The following PHF21A variants were observed in gnomAD, a reference collection of about 807,000 sequenced individuals.
PHF21A encodes the protein PHD finger protein 21A, also known as BHC80a.
Under a neutral mutation model 82.5 loss-of-function variants are expected in PHF21A, and 11 were observed. The ratio of observed to expected loss-of-function variants is 0.13; its 90% CI spans 0.08 to 0.22. PHF21A has a LOEUF of 0.22. Among genes scored for constraint, PHF21A ranks in the 10% least tolerant of loss-of-function variants. The pLI, the probability that PHF21A is intolerant of heterozygous loss-of-function variation, is 1.00. For missense variants in PHF21A, 579 were observed against 837.8 expected (o/e 0.69, Z 3.81); for synonymous variants, 297 against 302.8 (o/e 0.98, Z 0.20).
chr11:45,985,636 C>T (rs1239168386), intron 6 of PHF21A, among the ~76,000 whole-genome samples: 2 of 152,190 alleles, frequency 1.3e-5, no homozygotes, highest in Non-Finnish European at 2.9e-5. Context: ...ATTGCACTTT[C>T]TTCATTTTGT....
At chr11:46,080,376 C>T in intron 4 of PHF21A, among the ~76,000 whole-genome samples, 1 of 151,810 alleles carries the variant, frequency 6.6e-6, no homozygotes. Flanking sequence ...CCAGGCTGGT[C>T]TTGAACTCCT....
chr11:45,990,222 T>TA (rs1385488326), intron 6 of PHF21A, among the ~76,000 whole-genome samples: 1 of 149,538 alleles, frequency 6.7e-6, no homozygotes, highest in Admixed American at 6.7e-5. Context: ...ATGGCCACAG[T>TA]AAAAATCATT....
intron 6 of PHF21A, among the ~76,000 whole-genome samples, chr11:46,057,421 A>T (rs931623378): frequency 6.6e-6 from 1 of 152,192 alleles, no homozygotes; most frequent in Non-Finnish European, 1.5e-5. Context: ...TACATATAAC[A>T]GATGCCCAGA....
At chr11:46,072,883 G>T (rs1346467674) in intron 6 of PHF21A, among the ~76,000 whole-genome samples, 1 of 152,162 alleles carries the variant, frequency 6.6e-6, no homozygotes, top group East Asian at 1.9e-4. Flanking sequence ...TGTTAAGATT[G>T]CCTCTACAAG....
chr11:46,066,923 T>C (rs1401279273), intron 6 of PHF21A, among the ~76,000 whole-genome samples: 1 of 152,214 alleles, frequency 6.6e-6, no homozygotes, highest in East Asian at 1.9e-4. Context: ...TTTTGCATTT[T>C]AAACTAATAC....
intron 6 of PHF21A, among the ~76,000 whole-genome samples, chr11:46,010,926 A>G (rs2095400188): frequency 6.6e-6 from 1 of 152,140 alleles, no homozygotes; most frequent in Non-Finnish European, 1.5e-5. Flanking sequence ...TCCTACTATA[A>G]TAAATAAGCA....
chr11:45,954,779 A>C (rs2092498961), intron 10 of PHF21A, among the ~76,000 whole-genome samples: 1 of 152,246 alleles, frequency 6.6e-6, no homozygotes, highest in African/African-American at 2.4e-5. Context: ...TGTGGAAGTA[A>C]TGCTCCTTTC....
rs779958949 is a variant in PHF21A at position 45,953,544 on chromosome 11, G to A, written c.1078C>T (p.Arg360Trp). ...ITPPAAPKPK[R>W]EENPQKLAFM... ...AGGCCTACCTGAGGGTTCTCCTCCC[G>A]TTTTGGTTTGGGTGCAGCAGGTGGG... Residue 360 changes from arginine (R) to tryptophan (W), a missense_variant, in exon 11 of 19, where the codon CGG becomes TGG. Arg to Trp is a moderately radical substitution (Grantham distance 101). Around this residue, in one of 3 missense-constraint regions of PHF21A, gnomAD observed 410 missense variants for 642.1 expected, o/e 0.64. Transcript: ENST00000676320. 7 of 1,612,396 alleles carry A rather than the reference G, an allele frequency of 4.3e-6. No homozygotes were observed. The highest frequency in any genetic ancestry group is 2.7e-5 in the African/African-American group (2 of 74,886).
At chr11:45,952,984 T>C (rs1057209363) in intron 11 of PHF21A, among the ~76,000 whole-genome samples, 1 of 152,268 alleles carries the variant, frequency 6.6e-6, no homozygotes, top group Non-Finnish European at 1.5e-5. Context: ...TCCTAAATTA[T>C]AGTATAGATG....
In PHF21A at chr11:46,084,184, C is replaced by T. The variant is rs756455768; in HGVS notation, c.36G>A (p.Val12=). ...AACTTACCTGGTGAACCTGAATTTC[C>T]ACTTTAAGAGCCTCCTGTAGAGTCT... ...ELQTLQEALK[V]EIQVHQKLVA... is the part of the protein sequence containing the mutation. The change falls in exon 4 of 19, where the codon GTG becomes GTA. Residue 12 remains valine (V), a synonymous_variant. Coordinates refer to ENST00000676320, the MANE Select transcript of PHF21A (RefSeq NM_001352027.3). 3 of 1,600,758 alleles carry T rather than the reference C, an allele frequency of 1.9e-6. No individual in the cohort carries two copies. Among genetic ancestry groups the T allele is most frequent in the Non-Finnish European group, 2.6e-6 (3 of 1,175,898 alleles).
At chr11:45,998,065 T>C (rs2094971752) in intron 6 of PHF21A, among the ~76,000 whole-genome samples, 1 of 152,148 alleles carries the variant, frequency 6.6e-6, no homozygotes, top group African/African-American at 2.4e-5. Flanking sequence ...GGAATATACA[T>C]GTACCACTGT....
At chr11:46,055,646 A>G (rs1284347118) in intron 6 of PHF21A, among the ~76,000 whole-genome samples, 2 of 152,156 alleles carry the variant, frequency 1.3e-5, no homozygotes, top group Admixed American at 6.6e-5. Flanking sequence ...CCAAGTCTAT[A>G]CATTACATCA....
intron 6 of PHF21A, among the ~76,000 whole-genome samples, chr11:46,020,601 C>A (rs1565576455): frequency 6.6e-6 from 1 of 152,148 alleles, no homozygotes; most frequent in Non-Finnish European, 1.5e-5. Flanking sequence ...CCTCTTCGGT[C>A]CTATTTAGCT....
intron 14 of PHF21A, among the ~76,000 whole-genome samples, chr11:45,948,044 T>C (rs1052972491): frequency 2.0e-5 from 3 of 152,192 alleles, no homozygotes; most frequent in Non-Finnish European, 2.9e-5. Context: ...TGTGTGCACA[T>C]GCAAAAATTA....
At chr11:46,044,533 G>T (rs1170839009) in intron 6 of PHF21A, among the ~76,000 whole-genome samples, 1 of 151,818 alleles carries the variant, frequency 6.6e-6, no homozygotes, top group East Asian at 1.9e-4. Flanking sequence ...CTTCACACAG[G>T]GATATGCAGG....
chr11:46,043,244 C>A (rs1020770923), intron 6 of PHF21A, among the ~76,000 whole-genome samples: 57 of 152,182 alleles, frequency 3.7e-4, no homozygotes, highest in African/African-American at 1.4e-3. Context: ...TATCAATGAT[C>A]CTATTCTATC....
At chr11:46,069,212 T>G (rs892137598) in intron 6 of PHF21A, among the ~76,000 whole-genome samples, 4 of 152,318 alleles carry the variant, frequency 2.6e-5, no homozygotes, top group African/African-American at 4.8e-5. Flanking sequence ...CAGGAGAAAT[T>G]TGAAATATTA....
intron 6 of PHF21A, among the ~76,000 whole-genome samples, chr11:46,062,484 A>C (rs1292290405): frequency 6.6e-6 from 1 of 151,894 alleles, no homozygotes; most frequent in African/African-American, 2.4e-5. Flanking sequence ...TCTGTTTTCT[A>C]ATTGTTCCTT....
chr11:45,975,322 CAAAATAAAAT>C (rs58576083), intron 7 of PHF21A, among the ~76,000 whole-genome samples: 1,927 of 112,138 alleles, frequency 0.017, 35 homozygotes, highest in South Asian at 0.054. Flanking sequence ...TCAAAGAAAA[CAAAATAAAAT>C]AAAATAAAAT....
Sources: allele counts gnomAD v4.1 joint callset (sites outside exome capture counted in the v4.1 genomes callset), GRCh38; gene constraint gnomAD v4.1.1; regional missense constraint gnomAD v4.1.1; transcripts MANE v1.5; gene names NCBI Gene and HGNC (gene_info 2026-07-23, HGNC 2026-07-21).